The following DLG2 variants were observed in gnomAD, a reference collection of about 807,000 sequenced individuals.
DLG2 encodes the protein discs large MAGUK scaffold protein 2, also known as disks large homolog 2.
A neutral mutation model predicts 132.5 loss-of-function variants in DLG2; 45 were observed. The ratio of observed to expected loss-of-function variants is 0.34; its 90% CI spans 0.27 to 0.44. The LOEUF (loss-of-function observed/expected upper bound fraction) is 0.44. DLG2 is among the 20% of genes least tolerant of loss of function. The pLI is 1.00. For synonymous variants in DLG2, 424 were observed against 419.6 expected, an observed-to-expected ratio of 1.01 and a Z score of -0.13; for missense variants, 1,045 against 1,196.9, an observed-to-expected ratio of 0.87 and a Z score of 1.87.
At chr11:84,662,575 T>C (rs1565593328) in intron 6 of DLG2, among the ~76,000 whole-genome samples, 1 of 151,422 alleles carries the variant, frequency 6.6e-6, no homozygotes, top group Non-Finnish European at 1.5e-5. Flanking sequence ...CCACCTGAGG[T>C]TGGGAGTTCG....
At chr11:84,594,647 A>T (rs563562755) in intron 6 of DLG2, among the ~76,000 whole-genome samples, 79 of 152,238 alleles carry the variant, frequency 5.2e-4, no homozygotes, top group Non-Finnish European at 1.0e-3. Flanking sequence ...CAAAAACTTT[A>T]AATGGCATGC....
intron 11 of DLG2, among the ~76,000 whole-genome samples, chr11:84,002,853 A>C (rs1294768589): frequency 6.6e-6 from 1 of 152,120 alleles, no homozygotes; most frequent in Admixed American, 6.5e-5. Flanking sequence ...CTTTTCAGAA[A>C]ATTGTTTTAT....
chr11:85,536,082 T>A (rs915230710), intron 3 of DLG2, among the ~76,000 whole-genome samples: 1 of 151,552 alleles, frequency 6.6e-6, no homozygotes, highest in African/African-American at 2.4e-5. Context: ...ACTGGCAAGG[T>A]GGCACACACC....
intron 8 of DLG2, among the ~76,000 whole-genome samples, chr11:84,199,942 A>G (rs2154298038): frequency 6.6e-6 from 1 of 152,244 alleles, no homozygotes; most frequent in East Asian, 1.9e-4. Flanking sequence ...TAAGAAGTCC[A>G]ATGAATTACA....
intron 9 of DLG2, among the ~76,000 whole-genome samples, chr11:84,162,185 TAGA>T (rs2095561303): frequency 6.6e-6 from 1 of 152,118 alleles, no homozygotes; most frequent in Admixed American, 6.6e-5. Context: ...GCGTTTATCA[TAGA>T]AGGTTTATGA....
At chr11:85,350,951 G>C (rs941066376) in intron 3 of DLG2, among the ~76,000 whole-genome samples, 2 of 152,084 alleles carry the variant, frequency 1.3e-5, no homozygotes, top group East Asian at 1.9e-4. Context: ...TGAAGAAAGT[G>C]ATTGGTAGCT....
chr11:85,563,249 T>C (rs1012744760), intron 3 of DLG2, among the ~76,000 whole-genome samples: 1 of 151,746 alleles, frequency 6.6e-6, no homozygotes, highest in African/African-American at 2.4e-5. Flanking sequence ...ATGCTTCCAT[T>C]TTAAGTTTAC....
intron 4 of DLG2, among the ~76,000 whole-genome samples, chr11:85,265,803 C>T (rs562397264): frequency 3.3e-5 from 5 of 152,174 alleles, no homozygotes; most frequent in East Asian, 1.9e-4. Flanking sequence ...AACTTGACTT[C>T]GGAGGAGAGA....
intron 19 of DLG2, among the ~76,000 whole-genome samples, chr11:83,590,452 G>A (rs1268768112): frequency 6.6e-6 from 1 of 152,104 alleles, no homozygotes; most frequent in Non-Finnish European, 1.5e-5. Context: ...TGAGAACAAA[G>A]ACACAGCATA....
chr11:84,182,287 T>C (rs923522714), intron 8 of DLG2, among the ~76,000 whole-genome samples: 7 of 151,818 alleles, frequency 4.6e-5, no homozygotes, highest in Non-Finnish European at 1.0e-4. Flanking sequence ...TGAAGAGAAA[T>C]TGGAAAGTAT....
intron 19 of DLG2, among the ~76,000 whole-genome samples, chr11:83,558,910 C>A (rs2096565501): frequency 6.7e-6 from 1 of 148,320 alleles, no homozygotes; most frequent in South Asian, 2.1e-4. Context: ...CTGGCCCCCT[C>A]CATCAACGAG....
At chr11:83,885,807 G>T (rs1294590147) in intron 15 of DLG2, among the ~76,000 whole-genome samples, 2 of 152,142 alleles carry the variant, frequency 1.3e-5, no homozygotes, top group African/African-American at 2.4e-5. Flanking sequence ...CTTTCTTAAA[G>T]AAAAGAATTT....
intron 6 of DLG2, among the ~76,000 whole-genome samples, chr11:84,579,220 T>TGG (rs1224435409): frequency 6.6e-6 from 1 of 151,946 alleles, no homozygotes; most frequent in Non-Finnish European, 1.5e-5. Flanking sequence ...TGTGTGTGTG[T>TGG]GTCTTTCTTT....
chr11:84,875,155 G>A (rs1447308491), intron 6 of DLG2, among the ~76,000 whole-genome samples: 1 of 151,944 alleles, frequency 6.6e-6, no homozygotes. Context: ...GTGATATTAA[G>A]AATGACGGAG....
intron 7 of DLG2, among the ~76,000 whole-genome samples, chr11:84,394,254 A>C (rs1434925730): frequency 1.3e-5 from 2 of 151,654 alleles, no homozygotes; most frequent in African/African-American, 4.8e-5. Context: ...GATACATGGC[A>C]CTCTAGGATC....
chr11:85,013,123 T>G (rs2059292495), intron 6 of DLG2, among the ~76,000 whole-genome samples: 1 of 152,220 alleles, frequency 6.6e-6, no homozygotes, highest in South Asian at 2.1e-4. Flanking sequence ...TTCCACATGC[T>G]CTTGCTAACG....
At chr11:83,928,950 T>G (rs2079578935) in intron 15 of DLG2, among the ~76,000 whole-genome samples, 1 of 152,182 alleles carries the variant, frequency 6.6e-6, no homozygotes, top group Admixed American at 6.5e-5. Flanking sequence ...ACTTTGACCT[T>G]TCAGCTTTAA....
At chr11:83,483,877 A>G (rs2093327435) in intron 22 of DLG2, among the ~76,000 whole-genome samples, 1 of 152,168 alleles carries the variant, frequency 6.6e-6, no homozygotes, top group African/African-American at 2.4e-5. Flanking sequence ...GTCCTGGTCA[A>G]AGATAAATGT....
intron 11 of DLG2, among the ~76,000 whole-genome samples, chr11:83,992,193 A>T (rs2093758183): frequency 6.6e-6 from 1 of 152,146 alleles, no homozygotes; most frequent in Non-Finnish European, 1.5e-5. Context: ...ATGACTACTT[A>T]TGTGTCAAGT....
Sources: gnomAD v4.1 joint callset for allele counts (sites outside exome capture counted in the v4.1 genomes callset) on GRCh38, gnomAD v4.1.1 for gene constraint, MANE v1.5 for transcripts, NCBI Gene and HGNC (gene_info 2026-07-23, HGNC 2026-07-21) for gene names.